CHD2: variants seen among roughly 807,000 people sequenced by gnomAD.
CHD2 encodes the protein ATP-dependent chromatin remodeler CHD2.
CHD2 carries 28 observed loss-of-function variants against 243.9 expected under a neutral mutation model. The observed-to-expected ratio is 0.11, with a 90% CI of 0.09 to 0.16. CHD2 has a LOEUF of 0.16. Among genes scored for constraint, CHD2 ranks in the 10% least tolerant of loss-of-function variants. The probability of loss-of-function intolerance (pLI) is 1.00; values close to 1 mark genes in which losing one functional copy is unlikely to be tolerated. For missense variants in CHD2, 1,386 were observed against 2,209.8 expected (o/e 0.63, Z 7.47); for synonymous variants, 775 against 779.0 (o/e 0.99, Z 0.09).
chr15:92,974,682 G>T, intron 19 of CHD2, 197 bp from the exon 20 acceptor site: 1 of 489,716 alleles, frequency 2.0e-6, no homozygotes, highest in Non-Finnish European at 3.7e-6. Flanking sequence ...GTAACCTTGA[G>T]TCTGTAACTG....
At chr15:92,928,978 A>G in intron 4 of CHD2, 52 bp from the exon 5 acceptor site, 1 of 1,547,124 alleles carries the variant, frequency 6.5e-7, no homozygotes. Context: ...TGTTGTCCCG[A>G]AGAACTGTGA....
At chr15:93,013,305 G>A (rs150828676) in intron 36 of CHD2, among the ~76,000 whole-genome samples, 7 of 99,934 alleles carry the variant, frequency 7.0e-5, no homozygotes, top group Non-Finnish European at 1.1e-4. Flanking sequence ...TGGATAGTCC[G>A]GAAAGGCCCC....
At chr15:92,983,862 A>G (rs1207735530) in intron 24 of CHD2, among the ~76,000 whole-genome samples, 1 of 152,234 alleles carries the variant, frequency 6.6e-6, no homozygotes, top group African/African-American at 2.4e-5. Flanking sequence ...TTTGATAAAA[A>G]TGAATAAAGC....
At chr15:92,986,761 T>C (rs2141853421) in intron 26 of CHD2, among the ~76,000 whole-genome samples, 1 of 152,300 alleles carries the variant, frequency 6.6e-6, no homozygotes, top group East Asian at 1.9e-4. Flanking sequence ...TCTTGCTCTC[T>C]TGCACAGGCT....
intron 20 of CHD2, among the ~76,000 whole-genome samples, chr15:92,976,590 G>T (rs1311617994): frequency 1.3e-5 from 2 of 151,628 alleles, no homozygotes; most frequent in Non-Finnish European, 2.9e-5. Context: ...CAAGATGGGG[G>T]AGGATCACTT....
At chr15:92,924,007 G>C (rs1290851962) in intron 2 of CHD2, among the ~76,000 whole-genome samples, 1 of 152,142 alleles carries the variant, frequency 6.6e-6, no homozygotes, top group Admixed American at 6.5e-5. Context: ...ATACTTATGA[G>C]CCTCAGTTCA....
At chr15:92,907,823 C>G (rs985625050) in intron 2 of CHD2, among the ~76,000 whole-genome samples, 3 of 152,056 alleles carry the variant, frequency 2.0e-5, no homozygotes, top group Admixed American at 6.5e-5. Context: ...TTGCACCCCT[C>G]CTTCATATCC....
chr15:93,002,264 A>G lies in CHD2; in HGVS notation c.4225A>G (p.Lys1409Glu), dbSNP rs1334969628. The change falls in exon 33 of 39, where the codon AAA (lysine) becomes GAA (glutamate). Residue 1409 changes from lysine to glutamate, a missense_variant. By Grantham distance (56) the Lys-to-Glu change is moderately conservative. Around this residue, in one of 19 missense-constraint regions of CHD2, gnomAD observed 125 missense variants for 128.9 expected, o/e 0.97. Transcript: ENST00000394196. ...CAAGGAGAAACAAATGAGTTCTAGG[A>G]AAGACAAAGAAGGGGACAAGGAAAG... Reference protein sequence around the residue: ...ENKEKQMSSRKDKEGDKERKK... With the variant: ...ENKEKQMSSREDKEGDKERKK... 2 of 1,602,606 alleles carry G rather than the reference A, an allele frequency of 1.2e-6. No individual in the cohort carries two copies. Among genetic ancestry groups the G allele is most frequent in the East Asian group, 4.5e-5 (2 of 44,686 alleles).
At position 92,997,229 on chromosome 15, in the gene CHD2, T is replaced by G. The variant is rs749018527; in HGVS notation, c.3735-24T>G. The stretch of plus-strand genomic sequence containing the variant: ...CCAAAAAGGCCCCTCTTCTAATGTC[T>G]TCCTGTTTTTAAACTTTCTTTAGAT... On this transcript the variant is annotated intron_variant, in intron 29 of 38. Transcript: ENST00000394196. The surrounding 1 kb of genome is among the most constrained non-coding windows in gnomAD (Gnocchi z 4.1). The G allele has an allele frequency of 5.0e-6, 8 of 1,613,946 alleles. No homozygotes were observed. The highest frequency in any genetic ancestry group is 5.9e-6 in the Non-Finnish European group (7 of 1,179,958).
intron 25 of CHD2, 105 bp from the exon 26 acceptor site, chr15:92,985,393 G>A (rs2054029648): frequency 8.6e-7 from 1 of 1,165,850 alleles, no homozygotes; most frequent in Non-Finnish European, 1.2e-6. Flanking sequence ...GTCTGATATG[G>A]TGAGAAGTTC....
intron 4 of CHD2, 28 bp downstream of exon 4, chr15:92,927,358 C>T: frequency 6.8e-7 from 1 of 1,470,078 alleles, no homozygotes; most frequent in Non-Finnish European, 9.5e-7. Flanking sequence ...TAAGGGCATG[C>T]ATTTAAACTC....
chr15:92,968,547 T>G (rs1757941786), intron 17 of CHD2, among the ~76,000 whole-genome samples: 1 of 152,216 alleles, frequency 6.6e-6, no homozygotes, highest in South Asian at 2.1e-4. Flanking sequence ...CTAGATCTGT[T>G]AATTCATTAG....
intron 19 of CHD2, among the ~76,000 whole-genome samples, chr15:92,973,287 C>T (rs546040330): frequency 1.2e-4 from 19 of 152,208 alleles, no homozygotes; most frequent in African/African-American, 3.1e-4. Flanking sequence ...AAATTTCTTC[C>T]GCATAGTAAC....
rs550097936 is a variant in CHD2, at chr15:92,932,483, C to T, written c.443+3392C>T. Among the ~76,000 whole-genome samples the T allele has an allele frequency of 1.7e-4, 24 of 140,918 alleles. No homozygotes were observed. The South Asian group carries it at 5.6e-3, about 33-fold the overall frequency. 92.4% of individuals were successfully genotyped at this position (140,918 alleles called of 152,430 possible). A position where few individuals can be genotyped will look rare whatever the true frequency, so the allele number is the denominator to read the frequency against. On this transcript the variant is annotated intron_variant, in intron 5 of 38. Transcript: ENST00000394196. The stretch of plus-strand genomic sequence containing the variant: ...GACAGGCCACAGTGTGTGATGTTCC[C>T]CACCCTGTGTCCAAGTGTTCTCATT...
At chr15:92,996,010 C>G (rs2054182465) in intron 28 of CHD2, among the ~76,000 whole-genome samples, 1 of 152,098 alleles carries the variant, frequency 6.6e-6, no homozygotes, top group South Asian at 2.1e-4. Flanking sequence ...TATAAAGTGT[C>G]TATTCATGTG....
chr15:93,024,868 A>T lies in CHD2; in HGVS notation c.*163A>T. ...CACTTCAAGGAATGGGAGGCCTTTC[A>T]CTGGGTCCAGCTCTGATTCGGGTCA... On this transcript the variant is annotated 3_prime_UTR_variant, in exon 39 of 39. Coordinates refer to ENST00000394196, the MANE Select transcript of CHD2 (RefSeq NM_001271.4). 1.6e-6 allele frequency: 1 copy of T among 643,268 alleles called. No homozygotes were observed. The highest frequency in any genetic ancestry group is 2.6e-6 in the Non-Finnish European group (1 of 379,710). The allele number at this position is 643,268 out of a possible 1,614,324, so 39.8% of individuals were successfully genotyped here. A position where few individuals can be genotyped will look rare whatever the true frequency, so the allele number is the denominator to read the frequency against.
chr15:92,905,066 A>C, intron 2 of CHD2: 1 of 1,431,968 alleles, frequency 7.0e-7, no homozygotes, highest in Non-Finnish European at 9.4e-7. Context: ...TTTAGTAGAA[A>C]ATAGAAAATT....
intron 2 of CHD2, among the ~76,000 whole-genome samples, chr15:92,909,362 G>A (rs2052685295): frequency 6.6e-6 from 1 of 152,098 alleles, no homozygotes; most frequent in Non-Finnish European, 1.5e-5. Flanking sequence ...AATTGTGACC[G>A]ACATTGAAAA....
intron 34 of CHD2, among the ~76,000 whole-genome samples, chr15:93,005,124 A>C (rs2054304117): frequency 6.6e-6 from 1 of 152,188 alleles, no homozygotes. Context: ...ATCATCGTAA[A>C]CTGTACATTG....
Sources: allele counts gnomAD v4.1 joint callset (sites outside exome capture counted in the v4.1 genomes callset), GRCh38; gene constraint gnomAD v4.1.1; regional missense constraint gnomAD v4.1.1; non-coding constraint Gnocchi (gnomAD v3.1); transcripts MANE v1.5; gene names NCBI Gene and HGNC (gene_info 2026-07-23, HGNC 2026-07-21).